Variants in TAMM41 observed in about 807,000 individuals in gnomAD.
The protein encoded by TAMM41 is phosphatidate cytidylyltransferase, mitochondrial.
TAMM41 carries 36 observed loss-of-function variants against 44.1 expected under a neutral mutation model. That is an observed-to-expected ratio of 0.82 (90% CI 0.63 to 1.08). The LOEUF is 1.08. Among genes scored for constraint, TAMM41 ranks in the 50% least tolerant of loss-of-function variants. The pLI, the probability that TAMM41 is intolerant of heterozygous loss-of-function variation, is 0.00. For missense variants in TAMM41, 417 were observed against 404.3 expected (o/e 1.03, Z -0.27); for synonymous variants, 164 against 153.1 (o/e 1.07, Z -0.53).
chr3:11,798,287 G>T (rs1043482276), intron 7 of TAMM41, among the ~76,000 whole-genome samples: 7 of 152,140 alleles, frequency 4.6e-5, no homozygotes, highest in Non-Finnish European at 1.0e-4. Flanking sequence ...AGAAAACGTG[G>T]TACATATACA....
At chr3:11,819,062 T>A (rs2078406171) in intron 4 of TAMM41, among the ~76,000 whole-genome samples, 1 of 151,908 alleles carries the variant, frequency 6.6e-6, no homozygotes, top group Non-Finnish European at 1.5e-5. Context: ...GGAAAGAGAG[T>A]TAGATAGTTA....
At chr3:11,786,986 G>A (rs572072672), downstream of TAMM41, among the ~76,000 whole-genome samples, 75 of 152,290 alleles carry the variant, frequency 4.9e-4, no homozygotes, top group African/African-American at 1.6e-3. Flanking sequence ...TCCTGCTTGG[G>A]CTCTCTTGTT....
At chr3:11,809,407 ATCTC>A (rs1374118433) in intron 6 of TAMM41, 106 bp downstream of exon 6, 35 of 1,281,908 alleles carry the variant, frequency 2.7e-5, no homozygotes, top group East Asian at 2.0e-4. Context: ...CTGAGAGGCA[ATCTC>A]TCTATCTCGC....
chr3:11,776,006 T>A, the TAMM41 span, among the ~76,000 whole-genome samples: 16 of 121,554 alleles, frequency 1.3e-4, no homozygotes, highest in African/African-American at 5.8e-4. Flanking sequence ...TTTTATTTTT[T>A]AATTAATTAA....
At chr3:11,809,203 C>T in intron 6 of TAMM41, 1 of 362,876 alleles carries the variant, frequency 2.8e-6, no homozygotes, top group Non-Finnish European at 5.0e-6. Flanking sequence ...TTTCTCAGAC[C>T]ACCACAAAAC....
downstream of TAMM41, among the ~76,000 whole-genome samples, chr3:11,786,352 C>T (rs906850382): frequency 4.2e-4 from 63 of 149,656 alleles, no homozygotes; most frequent in East Asian, 3.9e-4. Context: ...TCACTTAGGC[C>T]GGAGTACAGT....
chr3:11,772,109 T>G, the TAMM41 span, among the ~76,000 whole-genome samples: 2 of 151,904 alleles, frequency 1.3e-5, no homozygotes, highest in African/African-American at 4.8e-5. Context: ...CGCTCTCTGT[T>G]GCCTAGGCTG....
At chr3:11,770,722 C>T in the TAMM41 span, among the ~76,000 whole-genome samples, 2 of 152,138 alleles carry the variant, frequency 1.3e-5, no homozygotes, top group African/African-American at 2.4e-5. Flanking sequence ...GAACAGAGCA[C>T]GCTTAGAGCA....
At chr3:11,838,348 T>C (rs758623571) in intron 3 of TAMM41, among the ~76,000 whole-genome samples, 7 of 152,212 alleles carry the variant, frequency 4.6e-5, no homozygotes, top group Admixed American at 1.3e-4. Context: ...CCCCAGTAGC[T>C]GGGATTGCAG....
At chr3:11,827,788 GCAGT>G (rs1279402341) in intron 4 of TAMM41, among the ~76,000 whole-genome samples, 1 of 152,010 alleles carries the variant, frequency 6.6e-6, no homozygotes, top group Non-Finnish European at 1.5e-5. Flanking sequence ...TGACCTCAGG[GCAGT>G]CAAAGTAATC....
chr3:11,780,566 T>G, the TAMM41 span, among the ~76,000 whole-genome samples: 1 of 152,206 alleles, frequency 6.6e-6, no homozygotes, highest in African/African-American at 2.4e-5. Flanking sequence ...CTCTGTTTCC[T>G]CATGCATGTA....
intron 7 of TAMM41, among the ~76,000 whole-genome samples, chr3:11,804,329 C>A (rs1428909728): frequency 6.6e-6 from 1 of 152,166 alleles, no homozygotes; most frequent in Non-Finnish European, 1.5e-5. Context: ...CAGCCCCATG[C>A]ATCTTTACCT....
chr3:11,723,736 A>G, the TAMM41 span, among the ~76,000 whole-genome samples: 1 of 152,250 alleles, frequency 6.6e-6, no homozygotes, highest in African/African-American at 2.4e-5. Flanking sequence ...AAAAATGTAT[A>G]AGGAACATAA....
the TAMM41 span, among the ~76,000 whole-genome samples, chr3:11,776,763 A>G: frequency 2.0e-5 from 3 of 152,224 alleles, no homozygotes; most frequent in Admixed American, 1.3e-4. Flanking sequence ...TTTACGATGA[A>G]TTGATGGGGA....
the TAMM41 span, among the ~76,000 whole-genome samples, chr3:11,737,284 C>CATCATT: frequency 7.6e-6 from 1 of 131,674 alleles, no homozygotes; most frequent in African/African-American, 2.9e-5. Flanking sequence ...TGTTGGCTTA[C>CATCATT]ATTATTATTA....
chr3:11,807,753 C>T, intron 7 of TAMM41, 80 bp downstream of exon 7: 1 of 1,536,088 alleles, frequency 6.5e-7, no homozygotes, highest in Non-Finnish European at 8.7e-7. Context: ...CTAAAAGATA[C>T]AAAGCTTTAC....
Position 11,846,744 on chromosome 3 carries a change from G to T in TAMM41, c.-108C>A. 7 of 1,414,010 alleles carry T rather than the reference G, an allele frequency of 5.0e-6. No individual in the cohort carries two copies. The highest frequency in any genetic ancestry group is 6.8e-6 in the Non-Finnish European group (7 of 1,023,170). 87.6% of individuals were successfully genotyped at this position (1,414,010 alleles called of 1,614,324 possible). On this transcript the variant is annotated 5_prime_UTR_variant, in exon 1 of 8. Coordinates refer to ENST00000455809, the MANE Select transcript of TAMM41 (RefSeq NM_001284401.2). ...GGTGGGAAATGGAAGTCGGAGACTG[G>T]ATCGAGGGACACAAGGCTGAGTGTG...
At chr3:11,789,870 G>C (rs1265221079), downstream of TAMM41, among the ~76,000 whole-genome samples, 2 of 152,214 alleles carry the variant, frequency 1.3e-5, no homozygotes, top group African/African-American at 4.8e-5. Flanking sequence ...GAGAGATGGA[G>C]AGAAACTGGG....
At chr3:11,747,067 C>G in the TAMM41 span, among the ~76,000 whole-genome samples, 1 of 152,000 alleles carries the variant, frequency 6.6e-6, no homozygotes, top group Admixed American at 6.6e-5. Context: ...TGTGGTAGAA[C>G]TTTATTTATT....
Sources: gnomAD v4.1 joint callset for allele counts (sites outside exome capture counted in the v4.1 genomes callset) on GRCh38, gnomAD v4.1.1 for gene constraint, MANE v1.5 for transcripts, NCBI Gene and HGNC (gene_info 2026-07-23, HGNC 2026-07-21) for gene names.